Variants in THUMPD1 observed in about 807,000 individuals in gnomAD.
THUMPD1 encodes THUMP domain-containing protein 1.
Under a neutral mutation model 31.6 loss-of-function variants are expected in THUMPD1, and 31 were observed. The ratio of observed to expected loss-of-function variants is 0.98; its 90% confidence interval spans 0.74 to 1.32. The LOEUF is 1.32. THUMPD1 is among the 40% of genes most tolerant of loss of function. The probability of loss-of-function intolerance (pLI) is 0.00; values close to 1 mark genes in which losing one functional copy is unlikely to be tolerated. For synonymous variants in THUMPD1, 166 were observed against 158.2 expected, an observed-to-expected ratio of 1.05 and a Z score of -0.37; for missense variants, 446 against 427.8, an observed-to-expected ratio of 1.04 and a Z score of -0.38.
intron 2 of THUMPD1, 82 bp downstream of exon 2, chr16:20,738,815 C>T (rs1466768): frequency 0.54 from 812,337 of 1,501,252 alleles, 228,582 homozygotes; most frequent in Non-Finnish European, 0.59. Context: ...GCCCAAGAAG[C>T]CATTTTGTAA....
At position 20,736,703 on chromosome 16, in the gene THUMPD1, T is replaced by C. The variant is rs1429357613; in HGVS notation, c.*177A>G. 1 of 651,048 alleles carries C rather than the reference T, an allele frequency of 1.5e-6. No homozygotes were observed. The highest frequency in any genetic ancestry group is 2.6e-6 in the Non-Finnish European group (1 of 386,540). 40.3% of individuals were successfully genotyped at this position (651,048 alleles called of 1,614,324 possible). A position where few individuals can be genotyped will look rare whatever the true frequency, so the allele number is the denominator to read the frequency against. On this transcript the variant is annotated 3_prime_UTR_variant, in exon 4 of 4. Coordinates refer to ENST00000396083, the MANE Select transcript of THUMPD1 (RefSeq NM_017736.5). ...TGCCTCTACGTAATACCATAAAGGC[T>C]GAAAGATCCCTAAAAAAACTGTTAA...
intron 3 of THUMPD1, 90 bp downstream of exon 3, chr16:20,737,618 G>T: frequency 7.6e-7 from 1 of 1,318,152 alleles, no homozygotes; most frequent in Non-Finnish European, 1.0e-6. Context: ...ACTCAAAAAT[G>T]TAAGCCTTAA....
Position 20,735,988 on chromosome 16 carries a change from A to G in THUMPD1, c.*892T>C, listed in dbSNP as rs1355709571. Reference sequence around the variant, plus strand: ...TTTGCTTCTTAAACCTTTTGACTAAAGGTGATTTCTGAACAAAAGCCTTAC... The same window carrying G: ...TTTGCTTCTTAAACCTTTTGACTAAGGGTGATTTCTGAACAAAAGCCTTAC... On this transcript the variant is annotated 3_prime_UTR_variant, in exon 4 of 4. Transcript: ENST00000396083. 2 of 152,210 alleles carry G rather than the reference A, an allele frequency of 1.3e-5. No homozygotes were observed. The highest frequency in any genetic ancestry group is 1.3e-4 in the Admixed American group (2 of 15,288). 9.4% of individuals were successfully genotyped at this position (152,210 alleles called of 1,614,324 possible).
At position 20,734,494 on chromosome 16, in the gene THUMPD1, C is replaced by T. The variant is rs1337278682; in HGVS notation, c.*2386G>A. The T allele has an allele frequency of 3.3e-5, 5 of 152,134 alleles. No homozygotes were observed. 9.4% of individuals were successfully genotyped at this position (152,134 alleles called of 1,614,324 possible). ...AGTCTGGTTTACCAAACAGAACCAC[C>T]AGCTAGGAGGATAAAAATACATTCC... On this transcript the variant is annotated 3_prime_UTR_variant, in exon 4 of 4. Coordinates refer to ENST00000396083, the MANE Select transcript of THUMPD1 (RefSeq NM_017736.5).
rs1001699275 is a variant in THUMPD1, at chr16:20,735,154, A to T, written c.*1726T>A. On this transcript the variant is annotated 3_prime_UTR_variant, in exon 4 of 4. Transcript: ENST00000396083. ...CCCAGAACCTTTCAGAGACTTGTCC[A>T]TTTGTTCATGTGATGAAAAACGTCT... 2 of 152,188 alleles carry T rather than the reference A, an allele frequency of 1.3e-5. No individual in the cohort carries two copies. The highest frequency in any genetic ancestry group is 4.8e-5 in the African/African-American group (2 of 41,460). The allele number at this position is 152,188 out of a possible 1,614,324, so 9.4% of individuals were successfully genotyped here.
At chr16:20,737,401 T>G in intron 3 of THUMPD1, 115 bp from the exon 4 acceptor site, 1 of 1,046,232 alleles carries the variant, frequency 9.6e-7, no homozygotes, top group Non-Finnish European at 1.3e-6. Flanking sequence ...AATCCACTCT[T>G]CTATGTGGAC....
At chr16:20,738,778 C>T in intron 2 of THUMPD1, 119 bp downstream of exon 2, 2 of 1,147,542 alleles carry the variant, frequency 1.7e-6, no homozygotes, top group Non-Finnish European at 2.5e-6. Flanking sequence ...TGTACAGAAG[C>T]TGCCATCAAA....
Position 20,734,505 on chromosome 16 carries a change from A to G in THUMPD1, c.*2375T>C, listed in dbSNP as rs1472735141. The G allele has an allele frequency of 6.6e-6, 1 of 152,280 alleles. No homozygotes were observed. Among genetic ancestry groups the G allele is most frequent in the Admixed American group, 6.5e-5 (1 of 15,276 alleles). 9.4% of individuals were successfully genotyped at this position (152,280 alleles called of 1,614,324 possible). On this transcript the variant is annotated 3_prime_UTR_variant, in exon 4 of 4. Coordinates refer to ENST00000396083, the MANE Select transcript of THUMPD1 (RefSeq NM_017736.5). The stretch of plus-strand genomic sequence containing the variant: ...CCAAACAGAACCACCAGCTAGGAGG[A>G]TAAAAATACATTCCCATGTTCACTA...
At position 20,733,778 on chromosome 16, in the gene THUMPD1, A is replaced by T. The variant is rs1275662413; in HGVS notation, c.*3102T>A. 6.6e-6 allele frequency: 1 copy of T among 152,126 alleles called. No individual in the cohort carries two copies. The highest frequency in any genetic ancestry group is 1.5e-5 in the Non-Finnish European group (1 of 67,990). 9.4% of individuals were successfully genotyped at this position (152,126 alleles called of 1,614,324 possible). ...ATACAAGTAAAAATAACATTTGAAA[A>T]CCAAGTTTAACCTCAGAGAATCATG... On this transcript the variant is annotated 3_prime_UTR_variant, in exon 4 of 4. Coordinates refer to ENST00000396083, the MANE Select transcript of THUMPD1 (RefSeq NM_017736.5).
Position 20,736,714 on chromosome 16 carries a change from T to TA in THUMPD1, c.*165dup. On this transcript the variant is annotated 3_prime_UTR_variant, in exon 4 of 4. Coordinates refer to ENST00000396083, the MANE Select transcript of THUMPD1 (RefSeq NM_017736.5). Reference sequence around the variant, plus strand: ...AATACCATAAAGGCTGAAAGATCCCTAAAAAAACTGTTAACAGGGCTGCGC... The same window carrying TA: ...AATACCATAAAGGCTGAAAGATCCCTAAAAAAAACTGTTAACAGGGCTGCGC... 5.8e-6 allele frequency: 4 copies of TA among 694,512 alleles called. No individual in the cohort carries two copies. The highest frequency in any genetic ancestry group is 4.0e-5 in the South Asian group (2 of 49,852). The allele number at this position is 694,512 out of a possible 1,614,324, so 43.0% of individuals were successfully genotyped here.
At position 20,734,993 on chromosome 16, in the gene THUMPD1, A is replaced by T. The variant is rs1282580481; in HGVS notation, c.*1887T>A. The T allele has an allele frequency of 6.6e-6, 1 of 152,218 alleles. No individual in the cohort carries two copies. Among genetic ancestry groups the T allele is most frequent in the African/African-American group, 2.4e-5 (1 of 41,462 alleles). The allele number at this position is 152,218 out of a possible 1,614,324, so 9.4% of individuals were successfully genotyped here. On this transcript the variant is annotated 3_prime_UTR_variant, in exon 4 of 4. Coordinates refer to ENST00000396083, the MANE Select transcript of THUMPD1 (RefSeq NM_017736.5). ...TTGTGGTTCCTCCAGCCGGGTTAGA[A>T]CAAGATTTGAGAGTTGCACCCTTTA...
intron 1 of THUMPD1, among the ~76,000 whole-genome samples, chr16:20,739,519 C>T (rs370138270): frequency 6.6e-6 from 1 of 152,050 alleles, no homozygotes; most frequent in East Asian, 1.9e-4. Flanking sequence ...GGACACCACA[C>T]CCTTCAAAAC....
intron 1 of THUMPD1, 29 bp downstream of exon 1, chr16:20,741,480 G>GGA: frequency 1.5e-6 from 2 of 1,340,424 alleles, no homozygotes; most frequent in Admixed American, 3.5e-5. Flanking sequence ...CCTGGCAGCC[G>GGA]GCCCGCCCGC....
chr16:20,741,631 G>T lies in THUMPD1; in HGVS notation c.109C>A (p.Arg37Ser), dbSNP rs374344025. Residue 37 changes from arginine (R) to serine (S), a missense_variant, in exon 1 of 4, where the codon CGT becomes AGT. By Grantham distance (110) the Arg-to-Ser change is moderately radical (BLOSUM62 -1). Transcript: ENST00000396083. ...CCCTGTAGCCCGGGCTCTAGCTGAC[G>T]GGGCCCGCCAGCGTCGCAGCGCCGA... ...RARRCDAGGP[R>S]QLEPGLQGIL... 251 of 1,578,946 alleles carry T rather than the reference G, an allele frequency of 1.6e-4. No individual in the cohort carries two copies. The highest frequency in any genetic ancestry group is 2.0e-4 in the Non-Finnish European group (235 of 1,162,922).
In THUMPD1 at chr16:20,734,436, T is replaced by C. The variant is rs1230892343; in HGVS notation, c.*2444A>G. 6.6e-6 allele frequency: 1 copy of C among 152,612 alleles called. No individual in the cohort carries two copies. Among genetic ancestry groups the C allele is most frequent in the African/African-American group, 2.4e-5 (1 of 41,444 alleles). 9.5% of individuals were successfully genotyped at this position (152,612 alleles called of 1,614,324 possible). A position where few individuals can be genotyped will look rare whatever the true frequency, so the allele number is the denominator to read the frequency against. ...ATGTAAAGCTATAGAAGGAAGGTCC[T>C]GCCTATTCTCTTTGCCCCTCTCAAA... On this transcript the variant is annotated 3_prime_UTR_variant, in exon 4 of 4. Coordinates refer to ENST00000396083, the MANE Select transcript of THUMPD1 (RefSeq NM_017736.5).
At chr16:20,739,196 G>A (rs1336086213) in intron 1 of THUMPD1, 125 bp from the exon 2 acceptor site, 1 of 956,994 alleles carries the variant, frequency 1.0e-6, no homozygotes, top group Admixed American at 2.9e-5. Context: ...TTTTTCTAAA[G>A]ATGGAGTCTC....
In THUMPD1 at chr16:20,741,741, G is replaced by T; in HGVS notation, c.-2C>A. ...AGTCTGCTGGGCAGGGGCCGCCATG[G>T]TGTGCGCAAACTGAGAGGAAAGAGA... On this transcript the variant is annotated 5_prime_UTR_variant, in exon 1 of 4. Coordinates refer to ENST00000396083, the MANE Select transcript of THUMPD1 (RefSeq NM_017736.5). The T allele has an allele frequency of 6.4e-7, 1 of 1,566,540 alleles. No homozygotes were observed. The highest frequency in any genetic ancestry group is 8.7e-7 in the Non-Finnish European group (1 of 1,155,192).
At position 20,741,722 on chromosome 16, in the gene THUMPD1, C is replaced by T. The variant is rs1299373972; in HGVS notation, c.18G>A (p.Gln6=). ...TCCCGCCGCCAGGCTGAGTAGTCTGCTGGGCAGGGGCCGCCATGGTGTGCG... is the reference window on the plus strand; with the variant it reads ...TCCCGCCGCCAGGCTGAGTAGTCTGTTGGGCAGGGGCCGCCATGGTGTGCG... MAAPA[Q]QTTQPGGGKR... is the part of the protein sequence containing the mutation. The change falls in exon 1 of 4, where the codon CAG becomes CAA. Residue 6 remains glutamine, a synonymous_variant. Transcript: ENST00000396083. The T allele has an allele frequency of 9.5e-6, 15 of 1,574,600 alleles. No individual in the cohort carries two copies. Among genetic ancestry groups the T allele is most frequent in the Non-Finnish European group, 1.1e-5 (13 of 1,159,824 alleles).
chr16:20,739,534 A>G (rs1463185647), intron 1 of THUMPD1, among the ~76,000 whole-genome samples: 1 of 152,080 alleles, frequency 6.6e-6, no homozygotes, highest in African/African-American at 2.4e-5. Context: ...CAAAACGTGG[A>G]GCAAGGCCGG....
Sources: gnomAD v4.1 joint callset for allele counts (sites outside exome capture counted in the v4.1 genomes callset) on GRCh38, gnomAD v4.1.1 for gene constraint, MANE v1.5 for transcripts, NCBI Gene and HGNC (gene_info 2026-07-23, HGNC 2026-07-21) for gene names.